Variants in CIMIP7 observed in about 807,000 individuals in gnomAD.
CIMIP7 encodes the protein ciliary microtubule inner protein 7, also known as uncharacterized protein C3orf84.
chr3:49,177,690 A>G, the CIMIP7 span: 7 of 1,609,980 alleles, frequency 4.3e-6, no homozygotes, highest in South Asian at 5.5e-5. Flanking sequence ...AGACCCCAGC[A>G]TGAAGGTAGT....
the CIMIP7 span, among the ~76,000 whole-genome samples, chr3:49,190,641 G>A: frequency 6.8e-6 from 1 of 146,962 alleles, no homozygotes; most frequent in Non-Finnish European, 1.5e-5. Context: ...GACTACAGGC[G>A]CCCACTATCA....
At chr3:49,191,705 G>C in the CIMIP7 span, 1 of 1,590,608 alleles carries the variant, frequency 6.3e-7, no homozygotes, top group Non-Finnish European at 8.5e-7. Context: ...GGTACAACCA[G>C]AGGGCCAGGG....
the CIMIP7 span, among the ~76,000 whole-genome samples, chr3:49,182,269 T>G: frequency 4.0e-5 from 6 of 151,766 alleles, no homozygotes; most frequent in South Asian, 1.2e-3. Context: ...ACCCACATCC[T>G]GCTGATTGGT....
chr3:49,178,411 C>A, the CIMIP7 span: 5 of 1,410,358 alleles, frequency 3.5e-6, no homozygotes, highest in Non-Finnish European at 5.0e-6. Flanking sequence ...CTCCACCCTA[C>A]CATCTGCTCT....
the CIMIP7 span, among the ~76,000 whole-genome samples, chr3:49,180,070 C>T: frequency 1.3e-5 from 2 of 151,694 alleles, no homozygotes; most frequent in Admixed American, 6.6e-5. Context: ...GTCAGGAGTT[C>T]GAGACCAACC....
At chr3:49,190,172 T>A in the CIMIP7 span, 21 of 1,479,120 alleles carry the variant, frequency 1.4e-5, 1 homozygote, top group Admixed American at 2.2e-4. Flanking sequence ...TAAAACTCAC[T>A]CAAATCTCCA....
At chr3:49,189,849 A>G in the CIMIP7 span, 2 of 747,686 alleles carry the variant, frequency 2.7e-6, no homozygotes, top group Middle Eastern at 2.4e-4. Flanking sequence ...TTTGGCACTC[A>G]CTCTTTTCCA....
the CIMIP7 span, chr3:49,190,133 G>T: frequency 6.3e-7 from 1 of 1,599,454 alleles, no homozygotes; most frequent in South Asian, 1.1e-5. Context: ...AGAAGCCATT[G>T]TTGTGCTATA....
chr3:49,186,182 A>G, the CIMIP7 span, among the ~76,000 whole-genome samples: 1 of 146,766 alleles, frequency 6.8e-6, no homozygotes, highest in Non-Finnish European at 1.5e-5. Flanking sequence ...TATTTTTAGT[A>G]GAGACAGGGT....
At chr3:49,182,209 G>C in the CIMIP7 span, among the ~76,000 whole-genome samples, 1 of 152,214 alleles carries the variant, frequency 6.6e-6, no homozygotes, top group African/African-American at 2.4e-5. Flanking sequence ...ACCAAAGCGG[G>C]TTGCCACTGC....
the CIMIP7 span, chr3:49,178,120 C>T: frequency 7.1e-7 from 1 of 1,414,196 alleles, no homozygotes; most frequent in Non-Finnish European, 9.4e-7. Context: ...CCCTCCTAAC[C>T]CCAAGTCTGC....
chr3:49,178,053 C>G, the CIMIP7 span: 1 of 1,591,834 alleles, frequency 6.3e-7, no homozygotes, highest in Non-Finnish European at 8.5e-7. Flanking sequence ...AATAGGGACC[C>G]TCCTCAACGG....
chr3:49,186,549 GC>G, the CIMIP7 span, among the ~76,000 whole-genome samples: 1 of 151,992 alleles, frequency 6.6e-6, no homozygotes, highest in Non-Finnish European at 1.5e-5. Context: ...GACTACAGGC[GC>G]CCGCCACCAT....
At chr3:49,184,119 T>G in the CIMIP7 span, among the ~76,000 whole-genome samples, 2 of 152,168 alleles carry the variant, frequency 1.3e-5, no homozygotes, top group African/African-American at 4.8e-5. Flanking sequence ...TACCTCAGCC[T>G]CTGGAGTAGC....
the CIMIP7 span, among the ~76,000 whole-genome samples, chr3:49,186,742 A>ACACGCACGCACG: frequency 6.6e-6 from 1 of 151,992 alleles, no homozygotes; most frequent in Non-Finnish European, 1.5e-5. Context: ...TAATACACAC[A>ACACGCACGCACG]CACGCACGCA....
At chr3:49,184,033 C>T in the CIMIP7 span, among the ~76,000 whole-genome samples, 1 of 152,218 alleles carries the variant, frequency 6.6e-6, no homozygotes, top group Non-Finnish European at 1.5e-5. Context: ...AGGTCTCACT[C>T]TGTTGCCAGG....
the CIMIP7 span, among the ~76,000 whole-genome samples, chr3:49,182,780 A>C: frequency 8.5e-5 from 13 of 152,164 alleles, no homozygotes; most frequent in African/African-American, 3.1e-4. Flanking sequence ...AGGTTCAGGC[A>C]TGGCAGGCTG....
the CIMIP7 span, chr3:49,191,587 G>C: frequency 2.5e-6 from 2 of 790,934 alleles, no homozygotes; most frequent in Non-Finnish European, 4.4e-6. Context: ...AGCCTCCAGG[G>C]GTGACCTCAA....
the CIMIP7 span, chr3:49,189,976 G>A: frequency 7.2e-7 from 1 of 1,387,340 alleles, no homozygotes; most frequent in Non-Finnish European, 1.0e-6. Context: ...TTCTGGGAGA[G>A]GCAAGAACTG....
Sources: gnomAD v4.1 joint callset for allele counts (sites outside exome capture counted in the v4.1 genomes callset) on GRCh38, gnomAD v4.1.1 for gene constraint, MANE v1.5 for transcripts, NCBI Gene and HGNC (gene_info 2026-07-23, HGNC 2026-07-21) for gene names.